Variants in ADAMTSL1 observed in about 807,000 individuals in gnomAD.
The protein encoded by ADAMTSL1 is ADAMTS-like protein 1.
ADAMTSL1 carries 126 observed loss-of-function variants against 201.8 expected under a neutral mutation model. The observed-to-expected ratio is 0.62, with a 90% CI of 0.54 to 0.72. The LOEUF (loss-of-function observed/expected upper bound fraction) is 0.72, where lower values mean the gene tolerates loss of function less well. Among genes scored for constraint, ADAMTSL1 ranks in the 30% least tolerant of loss-of-function variants. ADAMTSL1 has a pLI of 0.00. For missense variants in ADAMTSL1, 2,679 were observed against 2,277.8 expected (o/e 1.18, Z -3.59); for synonymous variants, 1,121 against 903.4 (o/e 1.24, Z -4.32).
rs977956896 is a variant in ADAMTSL1, at chr9:18,405,196, A to G, written c.208-99633A>G. Among the ~76,000 whole-genome samples, 4 of 152,136 alleles carry G rather than the reference A, an allele frequency of 2.6e-5. No homozygotes were observed. In the East Asian group the frequency reaches 5.8e-4, roughly 22 times the overall value. On this transcript the variant is annotated intron_variant, in intron 2 of 29. Transcript: ENST00000680146. Reference sequence around the variant, plus strand: ...AAATTGACAGAAAACACAAATCCTTATTTCCAAGGGCAAAGAATTACTTGA... The same window carrying G: ...AAATTGACAGAAAACACAAATCCTTGTTTCCAAGGGCAAAGAATTACTTGA...
chr9:18,836,812 T>C lies in ADAMTSL1; in HGVS notation c.4249+6835T>C, dbSNP rs1825337583. Among the ~76,000 whole-genome samples the C allele has an allele frequency of 2.0e-5, 3 of 152,176 alleles. No homozygotes were observed. The South Asian group carries it at 6.2e-4, about 31-fold the overall frequency. On this transcript the variant is annotated intron_variant, in intron 23 of 28. Transcript: ENST00000380548. ...TCATAGTTCTCCTTGTGGAGATCTT[T>C]AACCTTCTTGGTCAGATATATTCCT...
chr9:17,921,997 A>G (rs1816215469), intron 1 of ADAMTSL1, among the ~76,000 whole-genome samples: 1 of 152,056 alleles, frequency 6.6e-6, no homozygotes, highest in South Asian at 2.1e-4. Context: ...TTATGAGAGA[A>G]CATAGAGTTA....
chr9:18,695,496 G>A (rs1831497033), intron 13 of ADAMTSL1, among the ~76,000 whole-genome samples: 1 of 152,168 alleles, frequency 6.6e-6, no homozygotes, highest in Admixed American at 6.5e-5. Flanking sequence ...ATTATATGCT[G>A]TTAGAAGCAT....
intron 2 of ADAMTSL1, among the ~76,000 whole-genome samples, chr9:18,524,169 G>A (rs1818886949): frequency 1.3e-5 from 2 of 152,122 alleles, no homozygotes; most frequent in African/African-American, 2.4e-5. Flanking sequence ...TCCCTTGTAA[G>A]TTGGATTCCT....
chr9:18,207,549 C>A lies in ADAMTSL1; in HGVS notation c.207+43568C>A, dbSNP rs562756911. On this transcript the variant is annotated intron_variant, in intron 2 of 29. Coordinates refer to the ADAMTSL1 transcript ENST00000680146. ...AAATATGCATCAGACTGAAGTCCTG[C>A]ATAATTTTAACATTGCATGATTCTC... Among the ~76,000 whole-genome samples the A allele has an allele frequency of 8.5e-5, 13 of 152,268 alleles. 1 individual carries two copies. In the South Asian group the frequency reaches 2.5e-3, roughly 29 times the overall value.
At chr9:18,525,696 T>G (rs1181240352) in intron 2 of ADAMTSL1, among the ~76,000 whole-genome samples, 1 of 152,214 alleles carries the variant, frequency 6.6e-6, no homozygotes, top group Admixed American at 6.5e-5. Flanking sequence ...TTCATTTCAT[T>G]TTGTACCCAG....
At chr9:18,169,515 T>C (rs1323198962) in intron 2 of ADAMTSL1, among the ~76,000 whole-genome samples, 3 of 152,138 alleles carry the variant, frequency 2.0e-5, no homozygotes, top group African/African-American at 7.2e-5. Context: ...ACCATGCTGT[T>C]TTGGTTACTG....
chr9:18,494,701 A>G (rs148025129), intron 1 of ADAMTSL1, among the ~76,000 whole-genome samples: 14 of 152,336 alleles, frequency 9.2e-5, no homozygotes, highest in African/African-American at 3.4e-4. Context: ...ACTTTACCCT[A>G]TATCCAATGG....
intron 2 of ADAMTSL1, among the ~76,000 whole-genome samples, chr9:18,165,853 A>T (rs1463918814): frequency 3.9e-5 from 6 of 151,958 alleles, no homozygotes; most frequent in African/African-American, 1.4e-4. Context: ...TCAACATTAG[A>T]AGATGAATCG....
intron 1 of ADAMTSL1, among the ~76,000 whole-genome samples, chr9:18,127,981 G>A (rs912762605): frequency 6.6e-6 from 1 of 152,152 alleles, no homozygotes; most frequent in Non-Finnish European, 1.5e-5. Flanking sequence ...TTAAAGCTTA[G>A]GTGGTTGATA....
chr9:18,380,717 A>G (rs1266006110), intron 2 of ADAMTSL1, among the ~76,000 whole-genome samples: 2 of 152,182 alleles, frequency 1.3e-5, no homozygotes, highest in East Asian at 1.9e-4. Flanking sequence ...CACATTTTAT[A>G]TATTAGAACT....
At chr9:17,978,139 A>T (rs900906476) in intron 1 of ADAMTSL1, among the ~76,000 whole-genome samples, 4 of 151,956 alleles carry the variant, frequency 2.6e-5, no homozygotes, top group Middle Eastern at 3.4e-3. Flanking sequence ...TTTAGTTTTC[A>T]TTTGTATGGA....
chr9:18,102,510 T>A (rs1824574917), intron 1 of ADAMTSL1, among the ~76,000 whole-genome samples: 1 of 152,228 alleles, frequency 6.6e-6, no homozygotes, highest in Admixed American at 6.6e-5. Flanking sequence ...TAGTGGTCAC[T>A]TCTACTTGAA....
chr9:18,518,356 G>C (rs1011231531), intron 2 of ADAMTSL1, among the ~76,000 whole-genome samples: 5 of 151,576 alleles, frequency 3.3e-5, no homozygotes, highest in Non-Finnish European at 7.4e-5. Context: ...TTATGTCCAT[G>C]TGTACGCATT....
intron 2 of ADAMTSL1, among the ~76,000 whole-genome samples, chr9:18,401,421 T>A (rs1817980032): frequency 6.6e-6 from 1 of 152,214 alleles, no homozygotes; most frequent in African/African-American, 2.4e-5. Context: ...TCTCTCACTG[T>A]TTACTTCTTT....
rs1441602528 is a variant in ADAMTSL1 at position 18,662,087 on chromosome 9, G to A, written c.1085+14G>A. ...TTGTCCAGCCAGGTCAGTCAAATTT[G>A]CTAGTTCATTTGTCATAAACATAAC... On this transcript the variant is annotated intron_variant, in intron 9 of 28. Transcript: ENST00000380548. 1 of 1,609,220 alleles carries A rather than the reference G, an allele frequency of 6.2e-7. No individual in the cohort carries two copies. Among genetic ancestry groups the A allele is most frequent in the South Asian group, 1.1e-5 (1 of 89,632 alleles).
chr9:18,821,852 T>A (rs111939251), intron 21 of ADAMTSL1, among the ~76,000 whole-genome samples: 6 of 152,104 alleles, frequency 3.9e-5, no homozygotes, highest in African/African-American at 1.2e-4. Context: ...CTTCCAAATG[T>A]AATAAGGGAT....
chr9:18,148,240 A>T (rs912585517), intron 1 of ADAMTSL1, among the ~76,000 whole-genome samples: 3 of 151,904 alleles, frequency 2.0e-5, no homozygotes, highest in African/African-American at 4.8e-5. Flanking sequence ...ACATTTTTTC[A>T]TGTCTACATA....
intron 1 of ADAMTSL1, among the ~76,000 whole-genome samples, chr9:18,496,393 T>G (rs1373635961): frequency 6.6e-6 from 1 of 152,230 alleles, no homozygotes; most frequent in East Asian, 1.9e-4. Context: ...CTGGATGGTA[T>G]TTAAGAGAGA....
Sources: gnomAD v4.1 joint callset for allele counts (sites outside exome capture counted in the v4.1 genomes callset) on GRCh38, gnomAD v4.1.1 for gene constraint, MANE v1.5 for transcripts, NCBI Gene and HGNC (gene_info 2026-07-23, HGNC 2026-07-21) for gene names.